RGS7: variants seen among roughly 807,000 people sequenced by gnomAD.
RGS7 encodes the protein regulator of G protein signaling 7.
A neutral mutation model predicts 81.1 loss-of-function variants in RGS7; 27 were observed. That is an observed-to-expected ratio of 0.33 (90% CI 0.25 to 0.46). The LOEUF is 0.46. RGS7 is among the 20% of genes least tolerant of loss of function. RGS7 has a pLI of 1.00. For synonymous variants in RGS7, 208 were observed against 207.7 expected (o/e 1.00, Z -0.01); for missense variants, 396 against 607.4 (o/e 0.65, Z 3.66).
At chr1:240,972,848 CAAAA>C (rs35291771) in intron 4 of RGS7, among the ~76,000 whole-genome samples, 829 of 74,966 alleles carry the variant, frequency 0.011, 12 homozygotes, top group African/African-American at 0.04. Flanking sequence ...CCCCGCCTCT[CAAAA>C]AAAAAAAAAA....
intron 2 of RGS7, among the ~76,000 whole-genome samples, chr1:241,141,301 C>T (rs2067903322): frequency 1.3e-5 from 2 of 152,180 alleles, no homozygotes; most frequent in Admixed American, 6.5e-5. Context: ...TCAAATCTGC[C>T]TAGCCAAGCC....
intron 3 of RGS7, among the ~76,000 whole-genome samples, chr1:241,000,248 C>T (rs576189063): frequency 3.3e-5 from 5 of 152,104 alleles, no homozygotes; most frequent in African/African-American, 1.2e-4. Flanking sequence ...AGAAGCAGAC[C>T]AGTGGTGACT....
intron 18 of RGS7, among the ~76,000 whole-genome samples, chr1:240,793,605 A>ATTTTTTTTTTTTT (rs869198789): frequency 3.0e-5 from 1 of 32,894 alleles, no homozygotes. Context: ...ATATATATAT[A>ATTTTTTTTTTTTT]TATATATTTT....
intron 18 of RGS7, among the ~76,000 whole-genome samples, chr1:240,787,767 G>GT: frequency 6.6e-6 from 1 of 152,106 alleles, no homozygotes; most frequent in Non-Finnish European, 1.5e-5. Context: ...ACACTAAAGT[G>GT]AATAAGTAAA....
chr1:240,923,259 T>C (rs1301934909), intron 6 of RGS7, among the ~76,000 whole-genome samples: 3 of 152,076 alleles, frequency 2.0e-5, no homozygotes, highest in Non-Finnish European at 4.4e-5. Flanking sequence ...ATAAATGTTA[T>C]ACATTTCTGA....
intron 2 of RGS7, among the ~76,000 whole-genome samples, chr1:241,343,342 A>G (rs1202227850): frequency 6.6e-6 from 1 of 152,174 alleles, no homozygotes; most frequent in African/African-American, 2.4e-5. Flanking sequence ...AAGAACTGAC[A>G]GCAGAGACTC....
chr1:240,949,224 A>C (rs1432099121), intron 4 of RGS7, among the ~76,000 whole-genome samples: 1 of 152,136 alleles, frequency 6.6e-6, no homozygotes, highest in Admixed American at 6.5e-5. Flanking sequence ...TTTGTTTCCT[A>C]GGCTTATCTT....
At chr1:241,114,655 C>G (rs2065773014) in intron 2 of RGS7, among the ~76,000 whole-genome samples, 1 of 152,110 alleles carries the variant, frequency 6.6e-6, no homozygotes, top group African/African-American at 2.4e-5. Context: ...ATTTGTTGAA[C>G]AACTTTTCAG....
At chr1:240,951,479 T>A (rs1398589689) in intron 4 of RGS7, among the ~76,000 whole-genome samples, 1 of 151,968 alleles carries the variant, frequency 6.6e-6, no homozygotes, top group Non-Finnish European at 1.5e-5. Context: ...ATGTTAGAAA[T>A]AATACTAAAA....
chr1:240,948,329 T>C (rs1426975157), intron 4 of RGS7, among the ~76,000 whole-genome samples: 1 of 152,210 alleles, frequency 6.6e-6, no homozygotes, highest in East Asian at 1.9e-4. Flanking sequence ...TGCAACCAAC[T>C]AAAAAATATG....
At chr1:241,010,929 C>G (rs1200266093) in intron 3 of RGS7, among the ~76,000 whole-genome samples, 1 of 152,126 alleles carries the variant, frequency 6.6e-6, no homozygotes, top group Non-Finnish European at 1.5e-5. Context: ...AATATGGCCC[C>G]GTGCCTGGTA....
chr1:241,207,063 G>A (rs1224790781), intron 2 of RGS7, among the ~76,000 whole-genome samples: 1 of 143,216 alleles, frequency 7.0e-6, no homozygotes, highest in African/African-American at 2.5e-5. Context: ...CCGCCTCCCG[G>A]GTTCACGCCA....
At chr1:240,983,558 G>T (rs765496203) in intron 3 of RGS7, among the ~76,000 whole-genome samples, 1 of 152,048 alleles carries the variant, frequency 6.6e-6, no homozygotes, top group Non-Finnish European at 1.5e-5. Flanking sequence ...TTTGTTTTTG[G>T]TTTTCGAACC....
intron 4 of RGS7, among the ~76,000 whole-genome samples, chr1:240,966,921 A>G (rs1437878630): frequency 6.6e-6 from 1 of 152,212 alleles, no homozygotes; most frequent in Non-Finnish European, 1.5e-5. Context: ...AGTGCATTCA[A>G]TTCAACAATG....
intron 3 of RGS7, among the ~76,000 whole-genome samples, chr1:241,086,725 C>A (rs548754861): frequency 2.8e-4 from 43 of 152,296 alleles, no homozygotes; most frequent in African/African-American, 1.0e-3. Flanking sequence ...AATTTGAACT[C>A]CTCCAGATTC....
chr1:241,088,096 A>G, intron 3 of RGS7, among the ~76,000 whole-genome samples: 1 of 150,802 alleles, frequency 6.6e-6, no homozygotes, highest in African/African-American at 2.4e-5. Flanking sequence ...ATATATAGAA[A>G]CTGGCTTAGA....
At chr1:240,809,619 T>C (rs1418314837) in intron 14 of RGS7, among the ~76,000 whole-genome samples, 1 of 152,198 alleles carries the variant, frequency 6.6e-6, no homozygotes, top group Admixed American at 6.5e-5. Context: ...CACGCTTTTC[T>C]CATCTATAAA....
At chr1:241,141,536 G>A (rs2067921964) in intron 2 of RGS7, among the ~76,000 whole-genome samples, 1 of 152,166 alleles carries the variant, frequency 6.6e-6, no homozygotes, top group Admixed American at 6.5e-5. Context: ...GAAGACAAAG[G>A]AGAAGAAGGC....
rs1683708186 is a variant in RGS7 at position 240,780,083 on chromosome 1, G to A, written c.*7-3870C>T. Among the ~76,000 whole-genome samples, 2 of 152,292 alleles carry A rather than the reference G, an allele frequency of 1.3e-5. 1 individual carries two copies. Among genetic ancestry groups the A allele is most frequent in the African/African-American group, 4.8e-5 (2 of 41,550 alleles). Reference sequence around the variant, plus strand: ...TCCTGTGTTTACTACTGTAGTCTCTGTGCTATGAATAGAATTGTATACACA... The same window carrying A: ...TCCTGTGTTTACTACTGTAGTCTCTATGCTATGAATAGAATTGTATACACA... On this transcript the variant is annotated intron_variant, in intron 18 of 18. Transcript: ENST00000440928.
Sources: allele counts gnomAD v4.1 joint callset (sites outside exome capture counted in the v4.1 genomes callset), GRCh38; gene constraint gnomAD v4.1.1; transcripts MANE v1.5; gene names NCBI Gene and HGNC (gene_info 2026-07-23, HGNC 2026-07-21).